PMFBP1: variants seen among roughly 807,000 people sequenced by gnomAD.
PMFBP1 encodes the protein polyamine modulated factor 1 binding protein 1.
A neutral mutation model predicts 137.8 loss-of-function variants in PMFBP1; 131 were observed. That is an observed-to-expected ratio of 0.95 (90% CI 0.82 to 1.10). The LOEUF (loss-of-function observed/expected upper bound fraction) is 1.10, where lower values mean the gene tolerates loss of function less well. PMFBP1 is among the 50% of genes least tolerant of loss of function. The pLI, the probability that PMFBP1 is intolerant of heterozygous loss-of-function variation, is 0.00. For synonymous variants in PMFBP1, 490 were observed against 450.4 expected, an observed-to-expected ratio of 1.09 and a Z score of -1.11; for missense variants, 1,199 against 1,175.4, an observed-to-expected ratio of 1.02 and a Z score of -0.29.
At chr16:72,224,442 C>A in the PMFBP1 span, 4 of 152,298 alleles carry the variant, frequency 2.6e-5, no homozygotes, top group African/African-American at 9.6e-5. Context: ...AACGTTGTCA[C>A]CTGGAATCTG....
chr16:72,221,491 G>A, the PMFBP1 span, among the ~76,000 whole-genome samples: 5 of 152,122 alleles, frequency 3.3e-5, no homozygotes, highest in Non-Finnish European at 5.9e-5. Flanking sequence ...TCTGTCAAGC[G>A]GAACTTGGAG....
At chr16:72,213,106 A>G in the PMFBP1 span, among the ~76,000 whole-genome samples, 1 of 151,668 alleles carries the variant, frequency 6.6e-6, no homozygotes, top group East Asian at 1.9e-4. Context: ...AAGAAAGGAG[A>G]CCATGGGGTC....
At chr16:72,193,656 C>A in the PMFBP1 span, among the ~76,000 whole-genome samples, 2 of 151,070 alleles carry the variant, frequency 1.3e-5, no homozygotes, top group East Asian at 1.9e-4. Context: ...ATCATTGATA[C>A]CTACTATGAA....
chr16:72,205,654 C>T, the PMFBP1 span, among the ~76,000 whole-genome samples: 1 of 152,164 alleles, frequency 6.6e-6, no homozygotes, highest in Non-Finnish European at 1.5e-5. Context: ...CATACATGGT[C>T]ACCTGGCTGC....
In PMFBP1 at chr16:72,125,334, C is replaced by G; in HGVS notation, c.2325G>C (p.Gln775His). 1 of 1,614,190 alleles carries G rather than the reference C, an allele frequency of 6.2e-7. No individual in the cohort carries two copies. The highest frequency in any genetic ancestry group is 8.5e-7 in the Non-Finnish European group (1 of 1,180,040). Residue 775 changes from glutamine (Q) to histidine (H), a missense_variant, in exon 16 of 21, where the codon CAG becomes CAC. Gln to His is a conservative substitution (Grantham distance 24). Coordinates refer to ENST00000237353, the MANE Select transcript of PMFBP1 (RefSeq NM_031293.3). ...CATAAGCAATGATTTCCTCTTCCAG[C>G]TGAGCTTTCTTCTCTTGGGTCTGTG... The part of the protein sequence containing the change: ...SLTQTQEKKA[Q>H]LEEEIIAYEE...
intron 3 of PMFBP1, among the ~76,000 whole-genome samples, chr16:72,157,608 T>C (rs1291948001): frequency 6.6e-6 from 1 of 152,064 alleles, no homozygotes; most frequent in Non-Finnish European, 1.5e-5. Context: ...GGTGAGGTCT[T>C]TAGGATCGTA....
chr16:72,122,147 T>A (rs1237205888), intron 19 of PMFBP1, among the ~76,000 whole-genome samples: 1 of 152,182 alleles, frequency 6.6e-6, no homozygotes, highest in African/African-American at 2.4e-5. Context: ...GAACATGTGG[T>A]ACTTGGTTTT....
the PMFBP1 span, among the ~76,000 whole-genome samples, chr16:72,249,927 A>AAG: frequency 6.7e-6 from 1 of 150,146 alleles, no homozygotes; most frequent in East Asian, 1.9e-4. Flanking sequence ...TCGCAAAAAA[A>AAG]AAAAAAAAAA....
the PMFBP1 span, among the ~76,000 whole-genome samples, chr16:72,197,820 G>T: frequency 2.6e-5 from 4 of 152,226 alleles, 1 homozygote; most frequent in Admixed American, 2.6e-4. Context: ...ACTCTGATCT[G>T]CAGGTTTTTA....
intron 3 of PMFBP1, among the ~76,000 whole-genome samples, chr16:72,162,377 A>G (rs2043075185): frequency 1.3e-5 from 2 of 152,216 alleles, no homozygotes; most frequent in Non-Finnish European, 2.9e-5. Context: ...TTTCTTTTCT[A>G]TCACTTGCCC....
the PMFBP1 span, among the ~76,000 whole-genome samples, chr16:72,210,745 C>T: frequency 1.0e-3 from 153 of 152,350 alleles, no homozygotes; most frequent in African/African-American, 2.5e-3. Context: ...TTCCCTCCCA[C>T]GGCTACTGGG....
At chr16:72,202,199 C>T in the PMFBP1 span, among the ~76,000 whole-genome samples, 3 of 152,168 alleles carry the variant, frequency 2.0e-5, no homozygotes, top group African/African-American at 4.8e-5. Context: ...TGGGTTTAGA[C>T]ACTCCTCAGT....
the PMFBP1 span, among the ~76,000 whole-genome samples, chr16:72,201,487 T>C: frequency 6.6e-6 from 1 of 152,184 alleles, no homozygotes; most frequent in Non-Finnish European, 1.5e-5. Context: ...CTGAATATCA[T>C]AGTTAGAAAC....
chr16:72,234,846 G>C, the PMFBP1 span, among the ~76,000 whole-genome samples: 3 of 152,140 alleles, frequency 2.0e-5, no homozygotes, highest in Middle Eastern at 0.01. Flanking sequence ...ATCTTCACTG[G>C]ATAAATTTTT....
the PMFBP1 span, among the ~76,000 whole-genome samples, chr16:72,215,823 A>G: frequency 4.6e-5 from 7 of 152,220 alleles, no homozygotes; most frequent in African/African-American, 1.4e-4. Flanking sequence ...AGAAAATCCT[A>G]ATAGGGAAGA....
In PMFBP1 at chr16:72,154,479, TAC is replaced by T; in HGVS notation, c.166-22_166-21del. On this transcript the variant is annotated intron_variant, in intron 3 of 20. Transcript: ENST00000237353. ...CTTGTCCTACCATAGAGACAGGATATACAAAAAAGGCTTTAGATCATCACTAA... is the reference window on the plus strand; with the variant it reads ...CTTGTCCTACCATAGAGACAGGATATAAAAAAGGCTTTAGATCATCACTAA... 1 of 1,607,656 alleles carries T rather than the reference TAC, an allele frequency of 6.2e-7. No individual in the cohort carries two copies. Among genetic ancestry groups the T allele is most frequent in the South Asian group, 1.1e-5 (1 of 90,592 alleles).
At position 72,139,360 on chromosome 16, in the gene PMFBP1, C is replaced by A. The variant is rs139406797; in HGVS notation, c.847G>T (p.Asp283Tyr). The A allele has an allele frequency of 1.2e-6, 2 of 1,614,080 alleles. No individual in the cohort carries two copies. The highest frequency in any genetic ancestry group is 1.7e-6 in the Non-Finnish European group (2 of 1,180,014). ...TGGGTGGCTGTACAGGAAGCAAAAT[C>A]GGCTTGTAGTTTTATCAAAGCCTTT... ...REKALIKLQA[D>Y]FASCTATHRY... Residue 283 changes from aspartate (D) to tyrosine (Y), a missense_variant, in exon 7 of 21, where the codon GAT becomes TAT. By Grantham distance (160) the Asp-to-Tyr change is radical. Transcript: ENST00000237353.
At chr16:72,128,508 G>C in intron 14 of PMFBP1, 149 bp downstream of exon 14, 1 of 1,555,294 alleles carries the variant, frequency 6.4e-7, no homozygotes, top group Non-Finnish European at 8.7e-7. Flanking sequence ...GTGCCAATGG[G>C]GAGGGAAGTA....
At chr16:72,246,967 G>C in the PMFBP1 span, among the ~76,000 whole-genome samples, 1 of 152,146 alleles carries the variant, frequency 6.6e-6, no homozygotes, top group Non-Finnish European at 1.5e-5. Flanking sequence ...GTTCAGGAAT[G>C]AGCTTACTGT....
Sources: gnomAD v4.1 joint callset for allele counts (sites outside exome capture counted in the v4.1 genomes callset) on GRCh38, gnomAD v4.1.1 for gene constraint, MANE v1.5 for transcripts, NCBI Gene and HGNC (gene_info 2026-07-23, HGNC 2026-07-21) for gene names.